DGKD: variants seen among roughly 807,000 people sequenced by gnomAD.
DGKD encodes the protein DAG kinase delta.
In DGKD, 68 loss-of-function variants were observed where a neutral mutation model predicts 154.4. The observed-to-expected ratio is 0.44, with a 90% CI of 0.36 to 0.54. DGKD has a LOEUF of 0.54. Ranked by LOEUF, DGKD falls within the 20% of genes least tolerant of loss-of-function variation. DGKD has a pLI of 0.00. For missense variants in DGKD, 1,343 were observed against 1,593.6 expected, an observed-to-expected ratio of 0.84 and a Z score of 2.68; for synonymous variants, 693 against 638.0, an observed-to-expected ratio of 1.09 and a Z score of -1.30.
At chr2:233,415,158 CAGTT>C (rs969484735) in intron 3 of DGKD, among the ~76,000 whole-genome samples, 10 of 152,234 alleles carry the variant, frequency 6.6e-5, no homozygotes, top group Admixed American at 3.3e-4. Context: ...ACACAGGTAA[CAGTT>C]AGACCTTGTC....
intron 1 of DGKD, among the ~76,000 whole-genome samples, chr2:233,365,872 A>C (rs1702000213): frequency 6.6e-6 from 1 of 152,248 alleles, no homozygotes; most frequent in Non-Finnish European, 1.5e-5. Flanking sequence ...AGCTGAAGTC[A>C]TGTTTAGAGG....
rs1012552506 is a variant in DGKD, at chr2:233,450,083, T to TC, written c.1993dup (p.His665ProfsTer22). ...GGACCACAGAGTGTGCCCACCACTG[T>TC]CCCACAGCGAGAGCTTCGGGGTCCC... is the stretch of plus-strand genomic sequence containing the variant. On this transcript the variant is annotated frameshift_variant, in exon 16 of 30. Transcript: ENST00000264057. LOFTEE classifies it high-confidence loss of function. 1 of 1,613,700 alleles carries TC rather than the reference T, an allele frequency of 6.2e-7. No individual in the cohort carries two copies. Among genetic ancestry groups the TC allele is most frequent in the African/African-American group, 1.3e-5 (1 of 74,902 alleles).
chr2:233,435,975 G>A (rs1480632129), intron 6 of DGKD, 51 bp downstream of exon 6: 3 of 1,525,894 alleles, frequency 2.0e-6, no homozygotes, highest in South Asian at 1.2e-5. Context: ...TCCCCCACCT[G>A]CACGGCCCCA....
chr2:233,442,052 A>T, intron 10 of DGKD, 57 bp downstream of exon 10: 1 of 1,434,332 alleles, frequency 7.0e-7, no homozygotes, highest in South Asian at 1.1e-5. Context: ...GGTTAGAGGG[A>T]AATCATGCAG....
intron 2 of DGKD, 56 bp downstream of exon 2, chr2:233,388,423 G>A (rs1703338978): frequency 1.3e-6 from 2 of 1,527,208 alleles, no homozygotes; most frequent in Non-Finnish European, 1.8e-6. Context: ...CGTCCCAGGG[G>A]AGGAACTGGG....
In DGKD at chr2:233,457,076, CCATTTCCT is replaced by C. The variant is rs2063483876; in HGVS notation, c.2472+83_2472+90del. On this transcript the variant is annotated intron_variant, in intron 20 of 29. Coordinates refer to ENST00000264057, the MANE Select transcript of DGKD (RefSeq NM_152879.3). This position sits in a 1 kb window ranked among gnomAD's most constrained non-coding sequence, Gnocchi z 5.5. ...CCAGGCCTATTGCTTCTCCTGTTGA[CCATTTCCT>C]CCATGCACAGGGACTTGCCTGGGGA... is the stretch of plus-strand genomic sequence containing the variant. 15 of 1,355,364 alleles carry C rather than the reference CCATTTCCT, an allele frequency of 1.1e-5. 1 individual carries two copies. The South Asian group carries it at 1.8e-4, about 16-fold the overall frequency. 84.0% of individuals were successfully genotyped at this position (1,355,364 alleles called of 1,614,324 possible). A position where few individuals can be genotyped will look rare whatever the true frequency, so the allele number is the denominator to read the frequency against.
chr2:233,447,789 A>G (rs2063134421), intron 12 of DGKD: 8 of 1,151,108 alleles, frequency 6.9e-6, no homozygotes, highest in Non-Finnish European at 8.6e-6. Flanking sequence ...CAGGATGAGT[A>G]GGGGTCAGGA....
rs2062637401 is a variant in DGKD at position 233,434,849 on chromosome 2, T to C, written c.534T>C (p.Asn178=). Residue 178 remains asparagine (N), a synonymous_variant, in exon 5 of 30, where the codon AAT becomes AAC. Coordinates refer to ENST00000264057, the MANE Select transcript of DGKD (RefSeq NM_152879.3). ...CCCACGCGAGGCCGACCTACTGCAA[T>C]GTGTGCCGTGAGGCTCTGTCTGGGG... ...ACSHARPTYC[N]VCREALSGVT... The C allele has an allele frequency of 5.0e-6, 8 of 1,614,092 alleles. No individual in the cohort carries two copies. Among genetic ancestry groups the C allele is most frequent in the Admixed American group, 1.7e-5 (1 of 60,008 alleles).
chr2:233,452,422 C>T lies in DGKD; in HGVS notation c.2264+362C>T, dbSNP rs2063324844. Among the ~76,000 whole-genome samples, 1 of 152,220 alleles carries T rather than the reference C, an allele frequency of 6.6e-6. No homozygotes were observed. Among genetic ancestry groups the T allele is most frequent in the African/African-American group, 2.4e-5 (1 of 41,456 alleles). Reference sequence around the variant, plus strand: ...CTCTCCCATGATCTTGGCTGGACCTCACTGACTTCTGCTTACAGCCTGCCA... The same window carrying T: ...CTCTCCCATGATCTTGGCTGGACCTTACTGACTTCTGCTTACAGCCTGCCA... On this transcript the variant is annotated intron_variant, in intron 18 of 29. Transcript: ENST00000264057. This position sits in a 1 kb window ranked among gnomAD's most constrained non-coding sequence, Gnocchi z 4.0.
At position 233,434,768 on chromosome 2, in the gene DGKD, G is replaced by C; in HGVS notation, c.454-1G>C. The stretch of plus-strand genomic sequence containing the variant: ...TTGCCCTCTTGGTTTCGTTCTTCCA[G>C]CCCACCCAGTACAGCATGGACCACT... On this transcript the variant is annotated splice_acceptor_variant, in intron 4 of 29. Transcript: ENST00000264057. LOFTEE classifies it high-confidence loss of function. The C allele has an allele frequency of 6.2e-7, 1 of 1,604,590 alleles. No individual in the cohort carries two copies. The highest frequency in any genetic ancestry group is 1.1e-5 in the South Asian group (1 of 90,304).
chr2:233,398,366 C>A (rs546720495), intron 3 of DGKD, among the ~76,000 whole-genome samples: 1 of 151,848 alleles, frequency 6.6e-6, no homozygotes, highest in Non-Finnish European at 1.5e-5. Flanking sequence ...AGGATGGTCT[C>A]GATCTCCTGA....
At chr2:233,417,073 T>C (rs1254355507) in intron 3 of DGKD, among the ~76,000 whole-genome samples, 1 of 152,176 alleles carries the variant, frequency 6.6e-6, no homozygotes, top group Non-Finnish European at 1.5e-5. Context: ...TGCTCTGTCA[T>C]CCAGGCTGGA....
chr2:233,450,947 G>T lies in DGKD; in HGVS notation c.2064G>T (p.Leu688=). The T allele has an allele frequency of 6.2e-7, 1 of 1,607,976 alleles. No individual in the cohort carries two copies. The highest frequency in any genetic ancestry group is 8.5e-7 in the Non-Finnish European group (1 of 1,174,828). Residue 688 remains leucine (L), a synonymous_variant, in exon 17 of 30, where the codon CTG becomes CTT. Coordinates refer to ENST00000264057, the MANE Select transcript of DGKD (RefSeq NM_152879.3). ...RKVSKSPCEK[L]ISKGSLSLGS... ...TGTCGAAATCTCCGTGTGAAAAGCT[G>T]ATCAGCAAAGGGAGTCTGTCCCTAG...
In DGKD at chr2:233,458,964, G is replaced by T. The variant is rs988912413; in HGVS notation, c.2694+567G>T. On this transcript the variant is annotated intron_variant, in intron 22 of 29. Coordinates refer to ENST00000264057, the MANE Select transcript of DGKD (RefSeq NM_152879.3). The surrounding 1 kb of genome is among the most constrained non-coding windows in gnomAD (Gnocchi z 6.6). ...GCCTGTCCCCTCTGAGGTGGGATGAGATAGAGCAGACCCAGGCTGGACTCT... is the reference window on the plus strand; with the variant it reads ...GCCTGTCCCCTCTGAGGTGGGATGATATAGAGCAGACCCAGGCTGGACTCT... Among the ~76,000 whole-genome samples, 1 of 152,196 alleles carries T rather than the reference G, an allele frequency of 6.6e-6. No individual in the cohort carries two copies. The highest frequency in any genetic ancestry group is 6.5e-5 in the Admixed American group (1 of 15,286).
At position 233,449,268 on chromosome 2, in the gene DGKD, T is replaced by A. The variant is rs749120512; in HGVS notation, c.1780T>A (p.Ser594Thr). 47 of 1,613,592 alleles carry A rather than the reference T, an allele frequency of 2.9e-5. No individual in the cohort carries two copies. Among genetic ancestry groups the A allele is most frequent in the Non-Finnish European group, 3.9e-5 (46 of 1,179,768 alleles). Residue 594 changes from serine to threonine, a missense_variant, in exon 15 of 30, where the codon TCA becomes ACA. This residue lies in a region of DGKD where 409 missense variants were observed against 446.0 expected (regional missense o/e 0.92). Transcript: ENST00000264057. The surrounding 1 kb of genome is among the most constrained non-coding windows in gnomAD (Gnocchi z 5.3). ...TTCCACCGGAGACCGCTTGGTGGCATCAGCTTGCCCGGCCCGGCCGCAGAT... is the reference window on the plus strand; with the variant it reads ...TTCCACCGGAGACCGCTTGGTGGCAACAGCTTGCCCGGCCCGGCCGCAGAT... ...CGSTGDRLVA[S>T]ACPARPQIFR...
intron 1 of DGKD, among the ~76,000 whole-genome samples, chr2:233,365,381 TCACCATGC>T (rs1053066695): frequency 5.3e-5 from 8 of 151,972 alleles, no homozygotes; most frequent in African/African-American, 1.4e-4. Context: ...CAGGTGTCCA[TCACCATGC>T]CACCATGCTT....
chr2:233,457,342 G>A lies in DGKD; in HGVS notation c.2580+14G>A. 6.4e-7 allele frequency: 1 copy of A among 1,553,398 alleles called. No individual in the cohort carries two copies. The highest frequency in any genetic ancestry group is 1.2e-5 in the South Asian group (1 of 82,652). On this transcript the variant is annotated intron_variant, in intron 21 of 29. Transcript: ENST00000264057. This position sits in a 1 kb window ranked among gnomAD's most constrained non-coding sequence, Gnocchi z 5.5. ...AAGGAAGATGATGTATGTATGGGGT[G>A]TGAGCGGGTGGGCCTGAGCTCAGTG... is the stretch of plus-strand genomic sequence containing the variant.
intron 1 of DGKD, among the ~76,000 whole-genome samples, chr2:233,381,465 A>G (rs1380439494): frequency 6.6e-6 from 1 of 152,212 alleles, no homozygotes; most frequent in Non-Finnish European, 1.5e-5. Context: ...TCATTAGCCA[A>G]GTGGCCTTGG....
intron 1 of DGKD, among the ~76,000 whole-genome samples, chr2:233,362,147 A>T (rs1329177420): frequency 6.6e-6 from 1 of 152,220 alleles, no homozygotes; most frequent in Admixed American, 6.5e-5. Context: ...AAAATTAACT[A>T]ACCAAAAAAA....
Sources: gnomAD v4.1 joint callset for allele counts (sites outside exome capture counted in the v4.1 genomes callset) on GRCh38, gnomAD v4.1.1 for gene constraint, gnomAD v4.1.1 regional missense constraint, Gnocchi (gnomAD v3.1) non-coding constraint, MANE v1.5 for transcripts, NCBI Gene and HGNC (gene_info 2026-07-23, HGNC 2026-07-21) for gene names.